KCNQ2: variants seen among roughly 807,000 people sequenced by gnomAD.
KCNQ2 encodes potassium voltage-gated channel subfamily Q member 2.
A neutral mutation model predicts 84.8 loss-of-function variants in KCNQ2; 14 were observed. The ratio of observed to expected loss-of-function variants is 0.17; its 90% CI spans 0.11 to 0.26. KCNQ2 has a LOEUF of 0.26. Among genes scored for constraint, KCNQ2 ranks in the 10% least tolerant of loss-of-function variants. KCNQ2 has a pLI of 1.00. For synonymous variants in KCNQ2, 599 were observed against 554.1 expected, an observed-to-expected ratio of 1.08 and a Z score of -1.14; for missense variants, 788 against 1,254.0, an observed-to-expected ratio of 0.63 and a Z score of 5.61.
At chr20:63,435,812 T>C (rs1219497671) in intron 7 of KCNQ2, among the ~76,000 whole-genome samples, 1 of 152,162 alleles carries the variant, frequency 6.6e-6, no homozygotes, top group East Asian at 1.9e-4. Flanking sequence ...CCAAGCAGCT[T>C]ATGTGAACTT....
At chr20:63,451,746 G>A (rs988567377) in intron 1 of KCNQ2, among the ~76,000 whole-genome samples, 6 of 152,044 alleles carry the variant, frequency 3.9e-5, no homozygotes, top group Non-Finnish European at 8.8e-5. Context: ...TCTGGATGTG[G>A]GGAGGCCAGC....
chr20:63,451,600 C>T (rs1376742564), intron 1 of KCNQ2, among the ~76,000 whole-genome samples: 2 of 152,194 alleles, frequency 1.3e-5, no homozygotes, highest in Non-Finnish European at 2.9e-5. Context: ...CAAAGTGCCT[C>T]CAGGACCTGG....
rs887914273 is a variant in KCNQ2, at chr20:63,403,793, G to A, written c.*2851C>T. On this transcript the variant is annotated 3_prime_UTR_variant, in exon 17 of 17. Coordinates refer to ENST00000359125, the MANE Select transcript of KCNQ2 (RefSeq NM_172107.4). ...TGTGTGCCAGTGGGCACGTAGGGAT[G>A]TGCACTCTAACAAACACTGCGGGAG... is the stretch of plus-strand genomic sequence containing the variant. The A allele has an allele frequency of 1.3e-5, 2 of 152,324 alleles. No homozygotes were observed. The highest frequency in any genetic ancestry group is 2.4e-5 in the African/African-American group (1 of 41,466). 9.4% of individuals were successfully genotyped at this position (152,324 alleles called of 1,614,324 possible).
chr20:63,439,828 C>T (rs996107503), intron 5 of KCNQ2, 120 bp from the exon 6 acceptor site: 1 of 768,800 alleles, frequency 1.3e-6, no homozygotes, highest in East Asian at 2.6e-5. Flanking sequence ...CCCCGTGTCA[C>T]CATCCACACG....
Position 63,403,705 on chromosome 20 carries a change from CTG to C in KCNQ2, c.*2937_*2938del, listed in dbSNP as rs2079855939. The C allele has an allele frequency of 6.6e-6, 1 of 152,034 alleles. No homozygotes were observed. The highest frequency in any genetic ancestry group is 2.4e-5 in the African/African-American group (1 of 41,340). The allele number at this position is 152,034 out of a possible 1,614,324, so 9.4% of individuals were successfully genotyped here. A position where few individuals can be genotyped will look rare whatever the true frequency, so the allele number is the denominator to read the frequency against. ...TCAGTGCACATGTGTGCTATGTGGT[CTG>C]TGTGCATGTGTGCAAGCGTGCATGT... On this transcript the variant is annotated 3_prime_UTR_variant, in exon 17 of 17. Coordinates refer to ENST00000359125, the MANE Select transcript of KCNQ2 (RefSeq NM_172107.4).
In KCNQ2 at chr20:63,438,095, A is replaced by G. The variant is rs976443214; in HGVS notation, c.1023+530T>C. ...AGTGCTGGGATTGCAGGCGTGAGCC[A>G]CTGTGCCCGGCCATTGTCTGTCCGT... is the stretch of plus-strand genomic sequence containing the variant. On this transcript the variant is annotated intron_variant, in intron 7 of 16. Transcript: ENST00000359125. This position sits in a 1 kb window ranked among gnomAD's most constrained non-coding sequence, Gnocchi z 5.1. 1 of 167,896 alleles carries G rather than the reference A, an allele frequency of 6.0e-6. No homozygotes were observed. Among genetic ancestry groups the G allele is most frequent in the African/African-American group, 2.4e-5 (1 of 41,972 alleles). The allele number at this position is 167,896 out of a possible 1,614,324, so 10.4% of individuals were successfully genotyped here. A position where few individuals can be genotyped will look rare whatever the true frequency, so the allele number is the denominator to read the frequency against.
chr20:63,451,078 CAG>C (rs2081600472), intron 1 of KCNQ2, among the ~76,000 whole-genome samples: 2 of 149,412 alleles, frequency 1.3e-5, no homozygotes, highest in South Asian at 4.2e-4. Context: ...GCGGAGGCTG[CAG>C]TGAGCCGAGA....
Position 63,472,491 on chromosome 20 carries a change from G to GGGCTCA in KCNQ2, c.-34_-29dup, listed in dbSNP as rs2082242771. On this transcript the variant is annotated 5_prime_UTR_variant, in exon 1 of 17. Coordinates refer to ENST00000359125, the MANE Select transcript of KCNQ2 (RefSeq NM_172107.4). ...TGCCTGGCGGGAGGCGCCCCGGGTC[G>GGGCTCA]GGCTCAGGCTCAGCGGGGGCGGAGC... 1.4e-6 allele frequency: 2 copies of GGGCTCA among 1,458,780 alleles called. No homozygotes were observed. Among genetic ancestry groups the GGGCTCA allele is most frequent in the African/African-American group, 3.0e-5 (2 of 67,674 alleles). The allele number at this position is 1,458,780 out of a possible 1,614,324, so 90.4% of individuals were successfully genotyped here. A position where few individuals can be genotyped will look rare whatever the true frequency, so the allele number is the denominator to read the frequency against.
chr20:63,415,641 T>C (rs887638935), intron 12 of KCNQ2, among the ~76,000 whole-genome samples: 4 of 152,196 alleles, frequency 2.6e-5, no homozygotes, highest in Middle Eastern at 3.4e-3. Flanking sequence ...GGAGAGTTGA[T>C]GTCTGTGGAC....
Position 63,401,245 on chromosome 20 carries a change from C to T in KCNQ2, c.*5399G>A. 5.3e-6 allele frequency: 1 copy of T among 189,780 alleles called. No homozygotes were observed. 11.8% of individuals were successfully genotyped at this position (189,780 alleles called of 1,614,324 possible). A position where few individuals can be genotyped will look rare whatever the true frequency, so the allele number is the denominator to read the frequency against. ...GTCCCCTCCCGTCTCTCCTCCTCCA[C>T]CGTTGCCCACAACCTCCCCCGGCGA... On this transcript the variant is annotated 3_prime_UTR_variant, in exon 17 of 17. Transcript: ENST00000359125.
intron 5 of KCNQ2, among the ~76,000 whole-genome samples, chr20:63,441,838 G>T (rs930160837): frequency 2.6e-5 from 4 of 152,230 alleles, no homozygotes; most frequent in Admixed American, 2.6e-4. Flanking sequence ...TGCCTTCCCC[G>T]CAGGGCTGAG....
intron 5 of KCNQ2, among the ~76,000 whole-genome samples, chr20:63,440,716 G>T (rs1489535353): frequency 6.6e-6 from 1 of 152,178 alleles, no homozygotes; most frequent in African/African-American, 2.4e-5. Flanking sequence ...CTGAGGACAG[G>T]GTGGGCCGGC....
chr20:63,449,687 G>A (rs1358175554), intron 1 of KCNQ2, among the ~76,000 whole-genome samples: 12 of 152,194 alleles, frequency 7.9e-5, no homozygotes, highest in Middle Eastern at 3.2e-3. Flanking sequence ...TCCACAGCCC[G>A]GGAGAAGAGG....
chr20:63,412,756 G>A (rs1248961411), intron 15 of KCNQ2, among the ~76,000 whole-genome samples: 3 of 152,242 alleles, frequency 2.0e-5, no homozygotes, highest in Admixed American at 2.0e-4. Context: ...TGGGGGGCCT[G>A]GGAGAGGGAG....
chr20:63,410,672 G>C (rs969204638), intron 15 of KCNQ2, among the ~76,000 whole-genome samples: 1 of 152,208 alleles, frequency 6.6e-6, no homozygotes, highest in Non-Finnish European at 1.5e-5. Context: ...CCGTTCTCAC[G>C]GGAGGAGCAC....
rs1399189264 is a variant in KCNQ2 at position 63,470,638 on chromosome 20, G to C, written c.296+1530C>G. Among the ~76,000 whole-genome samples the C allele has an allele frequency of 2.0e-5, 3 of 152,212 alleles. No homozygotes were observed. In the South Asian group the frequency reaches 6.2e-4, roughly 31 times the overall value. ...ACCAACCCTGGGTCAGACGCAGAGCGGGGCGCTGGCCAGGCTGTCAGGGCA... is the reference window on the plus strand; with the variant it reads ...ACCAACCCTGGGTCAGACGCAGAGCCGGGCGCTGGCCAGGCTGTCAGGGCA... On this transcript the variant is annotated intron_variant, in intron 1 of 16. Coordinates refer to ENST00000359125, the MANE Select transcript of KCNQ2 (RefSeq NM_172107.4).
rs2079932248 is a variant in KCNQ2, at chr20:63,406,370, C to T, written c.*274G>A. The T allele has an allele frequency of 2.1e-6, 1 of 483,100 alleles. No individual in the cohort carries two copies. The highest frequency in any genetic ancestry group is 3.7e-6 in the Non-Finnish European group (1 of 268,720). 29.9% of individuals were successfully genotyped at this position (483,100 alleles called of 1,614,324 possible). Reference sequence around the variant, plus strand: ...CACCGGGCTGATGTCGGCCGCGGCCCTGAGCAGAGTGGACAGGGCAGCCTT... The same window carrying T: ...CACCGGGCTGATGTCGGCCGCGGCCTTGAGCAGAGTGGACAGGGCAGCCTT... On this transcript the variant is annotated 3_prime_UTR_variant, in exon 17 of 17. Transcript: ENST00000359125.
intron 11 of KCNQ2, among the ~76,000 whole-genome samples, chr20:63,421,740 C>T (rs559895724): frequency 6.6e-6 from 1 of 152,290 alleles, no homozygotes; most frequent in East Asian, 1.9e-4. Flanking sequence ...GGGGCTCCTC[C>T]TCCAGCACGG....
Position 63,438,279 on chromosome 20 carries a change from T to A in KCNQ2, c.1023+346A>T. 2.4e-6 allele frequency: 1 copy of A among 424,384 alleles called. No homozygotes were observed. The highest frequency in any genetic ancestry group is 4.4e-6 in the Non-Finnish European group (1 of 225,352). The allele number at this position is 424,384 out of a possible 1,614,324, so 26.3% of individuals were successfully genotyped here. A position where few individuals can be genotyped will look rare whatever the true frequency, so the allele number is the denominator to read the frequency against. On this transcript the variant is annotated intron_variant, in intron 7 of 16. Coordinates refer to ENST00000359125, the MANE Select transcript of KCNQ2 (RefSeq NM_172107.4). This position sits in a 1 kb window ranked among gnomAD's most constrained non-coding sequence, Gnocchi z 5.1. The stretch of plus-strand genomic sequence containing the variant: ...CAGACGAGGTCAGGCACTGACTCAC[T>A]GCAGTGTGTGGGCTCTAGGAGCCTT...
Sources: allele counts gnomAD v4.1 joint callset (sites outside exome capture counted in the v4.1 genomes callset), GRCh38; gene constraint gnomAD v4.1.1; non-coding constraint Gnocchi (gnomAD v3.1); transcripts MANE v1.5; gene names NCBI Gene and HGNC (gene_info 2026-07-23, HGNC 2026-07-21).